The following HEATR5B variants were observed in gnomAD, a reference collection of about 807,000 sequenced individuals.
HEATR5B encodes HEAT repeat containing 5B, also known as HEAT repeat-containing protein 5B.
Under a neutral mutation model 224.1 loss-of-function variants are expected in HEATR5B, and 156 were observed. The ratio of observed to expected loss-of-function variants is 0.70; its 90% CI spans 0.61 to 0.80. HEATR5B has a LOEUF of 0.80. HEATR5B is among the 30% of genes least tolerant of loss of function. The probability of loss-of-function intolerance (pLI) is 0.00; values close to 1 mark genes in which losing one functional copy is unlikely to be tolerated. For missense variants in HEATR5B, 2,323 were observed against 2,535.5 expected, an observed-to-expected ratio of 0.92 and a Z score of 1.80; for synonymous variants, 1,027 against 893.0, an observed-to-expected ratio of 1.15 and a Z score of -2.68.
At chr2:37,034,545 G>T (rs1312365754) in intron 21 of HEATR5B, among the ~76,000 whole-genome samples, 1 of 141,172 alleles carries the variant, frequency 7.1e-6, no homozygotes, top group Non-Finnish European at 1.5e-5. Context: ...CCCGGGAGGC[G>T]GAGCTTGCAG....
intron 18 of HEATR5B, among the ~76,000 whole-genome samples, chr2:37,044,363 G>GA (rs1319300426): frequency 5.3e-5 from 8 of 152,192 alleles, no homozygotes; most frequent in Non-Finnish European, 2.9e-5. Flanking sequence ...AATGAAATCA[G>GA]ATAGTACCTA....
At chr2:36,992,229 G>C (rs1270695713) in intron 33 of HEATR5B, among the ~76,000 whole-genome samples, 1 of 150,736 alleles carries the variant, frequency 6.6e-6, no homozygotes, top group African/African-American at 2.4e-5. Flanking sequence ...AAACAAAAGA[G>C]ATGTAAAATT....
intron 22 of HEATR5B, 144 bp from the exon 23 acceptor site, chr2:37,029,064 A>C: frequency 2.9e-6 from 2 of 689,984 alleles, no homozygotes; most frequent in Non-Finnish European, 4.8e-6. Context: ...TATGGCCTCT[A>C]GTTTACATAT....
intron 32 of HEATR5B, 87 bp downstream of exon 32, chr2:37,002,219 G>C: frequency 7.1e-7 from 1 of 1,408,468 alleles, no homozygotes; most frequent in Non-Finnish European, 9.9e-7. Context: ...AGAGGAAACT[G>C]GGTTATAACA....
intron 14 of HEATR5B, among the ~76,000 whole-genome samples, chr2:37,057,717 T>G (rs1014862099): frequency 6.6e-6 from 1 of 152,012 alleles, no homozygotes; most frequent in African/African-American, 2.4e-5. Context: ...AAAACTCAAA[T>G]AGAGGAAAGA....
intron 35 of HEATR5B, among the ~76,000 whole-genome samples, chr2:36,987,292 T>A (rs901935125): frequency 2.0e-5 from 3 of 151,962 alleles, no homozygotes. Flanking sequence ...AGCCAGGCGT[T>A]ATGGCACATG....
At chr2:37,035,208 AC>A (rs1177194924) in intron 21 of HEATR5B, among the ~76,000 whole-genome samples, 7 of 152,046 alleles carry the variant, frequency 4.6e-5, no homozygotes, top group Non-Finnish European at 1.0e-4. Flanking sequence ...GTTTTCAAAA[AC>A]CCCACTGCAG....
intron 17 of HEATR5B, among the ~76,000 whole-genome samples, chr2:37,050,767 G>A (rs968343325): frequency 3.9e-5 from 6 of 152,146 alleles, no homozygotes; most frequent in South Asian, 4.1e-4. Flanking sequence ...GAGGCGAGGC[G>A]CGGTGGCCTA....
chr2:36,991,456 T>A (rs906582117), intron 33 of HEATR5B, among the ~76,000 whole-genome samples: 1 of 148,714 alleles, frequency 6.7e-6, no homozygotes, highest in Non-Finnish European at 1.5e-5. Flanking sequence ...GATTGTGTCA[T>A]TGCACTCCAG....
chr2:37,037,956 A>C lies in HEATR5B; in HGVS notation c.3115T>G (p.Ser1039Ala). 1 of 1,603,146 alleles carries C rather than the reference A, an allele frequency of 6.2e-7. No individual in the cohort carries two copies. The highest frequency in any genetic ancestry group is 8.5e-7 in the Non-Finnish European group (1 of 1,172,990). The change falls in exon 21 of 36, where the codon TCA (serine) becomes GCA (alanine). Residue 1039 changes from serine to alanine, a missense_variant. By Grantham distance (99) the Ser-to-Ala change is moderately conservative. Coordinates refer to ENST00000233099, the MANE Select transcript of HEATR5B (RefSeq NM_019024.3). ...GCAGCTGCCTGAACAAGAGAATCTG[A>C]ATGGTCTTGTGTTATTGCACAACCC... The part of the protein sequence containing the change: ...LVGCAITQDH[S>A]DSLVQAAAIS...
At chr2:37,028,312 A>AT (rs1056227142) in intron 23 of HEATR5B, 138 bp from the exon 24 acceptor site, 30 of 525,894 alleles carry the variant, frequency 5.7e-5, no homozygotes, top group Non-Finnish European at 8.4e-5. Flanking sequence ...AACTAGCAGA[A>AT]TTTTTTTTAA....
At chr2:37,080,501 C>T (rs1042734330) in intron 2 of HEATR5B, among the ~76,000 whole-genome samples, 1 of 151,996 alleles carries the variant, frequency 6.6e-6, no homozygotes, top group Non-Finnish European at 1.5e-5. Context: ...GTGAATACAA[C>T]ATGAAATTTG....
Position 37,057,490 on chromosome 2 carries a change from A to G in HEATR5B, c.2060-10T>C. On this transcript the variant is annotated splice_polypyrimidine_tract_variant and intron_variant, in intron 14 of 35. Transcript: ENST00000233099. ...AGTGCATTAAAAGATCCTAAAAAAC[A>G]GAACTTCAGATCAGATTAAAAAGAA... 6.3e-7 allele frequency: 1 copy of G among 1,591,796 alleles called. No individual in the cohort carries two copies. Among genetic ancestry groups the G allele is most frequent in the Non-Finnish European group, 8.6e-7 (1 of 1,169,240 alleles).
chr2:37,065,687 T>A (rs1255034523), intron 9 of HEATR5B, 68 bp downstream of exon 9: 6 of 1,328,818 alleles, frequency 4.5e-6, no homozygotes, highest in Non-Finnish European at 6.3e-6. Flanking sequence ...AATCAGGAAT[T>A]AAATATCAAT....
chr2:36,981,739 T>C lies in HEATR5B; in HGVS notation c.5967A>G (p.Glu1989=), dbSNP rs1430583186. 1.2e-6 allele frequency: 2 copies of C among 1,613,998 alleles called. No individual in the cohort carries two copies. Among genetic ancestry groups the C allele is most frequent in the Non-Finnish European group, 8.5e-7 (1 of 1,179,968 alleles). Residue 1989 remains glutamate, a synonymous_variant, in exon 36 of 36, where the codon GAA becomes GAG. Transcript: ENST00000233099. ...VPTLISYLLD[E]NSFASASSAS... is the part of the protein sequence containing the mutation. The stretch of plus-strand genomic sequence containing the variant: ...CTGAACTTGCTGAGGCAAAAGAATT[T>C]TCATCCAGCAGGTAAGATATCAAAG...
rs114615384 is a variant in HEATR5B, at chr2:37,025,735, T to C, written c.3853+2188A>G. Reference sequence around the variant, plus strand: ...GACAAGACACAATGAGGAAGAAAAATAACAGTTAAGAAATCCAAAGAAAGA... The same window carrying C: ...GACAAGACACAATGAGGAAGAAAAACAACAGTTAAGAAATCCAAAGAAAGA... On this transcript the variant is annotated intron_variant, in intron 24 of 35. Coordinates refer to ENST00000233099, the MANE Select transcript of HEATR5B (RefSeq NM_019024.3). 4.7e-3 allele frequency among the ~76,000 whole-genome samples: 715 copies of C among 152,068 alleles called. 6 individuals are homozygous for C. The highest frequency in any genetic ancestry group is 0.014 in the African/African-American group (596 of 41,466).
intron 26 of HEATR5B, among the ~76,000 whole-genome samples, chr2:37,015,977 T>A (rs935018303): frequency 6.6e-6 from 1 of 151,716 alleles, no homozygotes; most frequent in Admixed American, 6.6e-5. Context: ...AGAAAGAAAT[T>A]GAAAAGAAAA....
chr2:37,075,520 C>G lies in HEATR5B; in HGVS notation c.562G>C (p.Asp188His), dbSNP rs1198042837. ...IYKNARSLLT[D>H]RSMAVRCAVA... ...GCACATCGAACAGCCATTGACCTAT[C>G]AGTCAAGAGAGACCTGGCATTCTTG... Residue 188 changes from aspartate (D) to histidine (H), a missense_variant, in exon 5 of 36, where the codon GAT (aspartate) becomes CAT (histidine). By Grantham distance (81) the Asp-to-His change is moderately conservative. Around this residue, in one of 12 missense-constraint regions of HEATR5B, gnomAD observed 292 missense variants for 332.6 expected, o/e 0.88. Transcript: ENST00000233099. The G allele has an allele frequency of 6.2e-7, 1 of 1,613,722 alleles. No homozygotes were observed. Among genetic ancestry groups the G allele is most frequent in the Non-Finnish European group, 8.5e-7 (1 of 1,179,816 alleles).
intron 18 of HEATR5B, among the ~76,000 whole-genome samples, chr2:37,041,989 G>C (rs17332720): frequency 0.13 from 19,314 of 151,680 alleles, 1,535 homozygotes; most frequent in Non-Finnish European, 0.17. Flanking sequence ...TTACACTTAA[G>C]AAATACCCTA....
Sources: allele counts gnomAD v4.1 joint callset (sites outside exome capture counted in the v4.1 genomes callset), GRCh38; gene constraint gnomAD v4.1.1; regional missense constraint gnomAD v4.1.1; transcripts MANE v1.5; gene names NCBI Gene and HGNC (gene_info 2026-07-23, HGNC 2026-07-21).